LAMB2: variants seen among roughly 807,000 people sequenced by gnomAD.
LAMB2 encodes the protein laminin subunit beta 2.
In LAMB2, 119 loss-of-function variants were observed where a neutral mutation model predicts 202.7. The ratio of observed to expected loss-of-function variants is 0.59; its 90% CI spans 0.51 to 0.68. LAMB2 has a LOEUF of 0.68. Among genes scored for constraint, LAMB2 ranks in the 30% least tolerant of loss-of-function variants. LAMB2 has a pLI of 0.00. For missense variants in LAMB2, 2,124 were observed against 2,410.6 expected, an observed-to-expected ratio of 0.88 and a Z score of 2.49; for synonymous variants, 818 against 902.2, an observed-to-expected ratio of 0.91 and a Z score of 1.67.
At position 49,121,586 on chromosome 3, in the gene LAMB2, G is replaced by A. The variant is rs779638823; in HGVS notation, c.5107C>T (p.Arg1703Cys). 5.0e-6 allele frequency: 8 copies of A among 1,613,986 alleles called. No individual in the cohort carries two copies. The highest frequency in any genetic ancestry group is 1.1e-5 in the South Asian group (1 of 91,082). The change falls in exon 31 of 32, where the codon CGC (arginine) becomes TGC (cysteine). Residue 1703 changes from arginine (R) to cysteine (C), a missense_variant. Arg to Cys is a radical substitution (Grantham distance 180, BLOSUM62 -3). This residue lies in a region of LAMB2 where 1,702 missense variants were observed against 1,896.3 expected (regional missense o/e 0.90). Transcript: ENST00000305544. ...TGGTACTGATCACCCAGAGGACCGC[G>A]TAGCAGCTGCAGATGTAGAGGGTTA... ...GRAQEAEQLL[R>C]GPLGDQYQTV...
chr3:49,125,981 T>C lies in LAMB2; in HGVS notation c.2330A>G (p.Tyr777Cys), dbSNP rs772581224. The C allele has an allele frequency of 4.3e-6, 7 of 1,614,024 alleles. No individual in the cohort carries two copies. Among genetic ancestry groups the C allele is most frequent in the Non-Finnish European group, 5.9e-6 (7 of 1,180,018 alleles). The change falls in exon 17 of 32, where the codon TAC becomes TGC. Residue 777 changes from tyrosine to cysteine, a missense_variant. Coordinates refer to ENST00000305544, the MANE Select transcript of LAMB2 (RefSeq NM_002292.4). The stretch of plus-strand genomic sequence containing the variant: ...CAGACACTCACGCAGGGCACCATTG[T>C]AGATGAGGGTGGACAGGCTGATGAG... ...PLLISLSTLI[Y>C]NGALPCQCNP...
chr3:49,127,945 G>A (rs371865217), intron 15 of LAMB2, among the ~76,000 whole-genome samples: 21 of 150,096 alleles, frequency 1.4e-4, no homozygotes, highest in East Asian at 5.8e-4. Flanking sequence ...GCTTGAACCC[G>A]GGAGGTGGAG....
rs1185181066 is a variant in LAMB2, at chr3:49,132,491, C to T, written c.249G>A (p.Gln83=). The T allele has an allele frequency of 6.2e-7, 1 of 1,613,922 alleles. No individual in the cohort carries two copies. The highest frequency in any genetic ancestry group is 1.3e-5 in the African/African-American group (1 of 74,948). ...CGTCACACCCTGTCCCCAGCCACAC[C>T]TGCAGGTGACTGACGATGCAGTAGG... ...PQPYCIVSHL[Q]DEKKCFLCDS... Residue 83 remains glutamine, a splice_region_variant and synonymous_variant, in exon 2 of 32, where the codon CAG becomes CAA. Transcript: ENST00000305544. The surrounding 1 kb of genome is among the most constrained non-coding windows in gnomAD (Gnocchi z 4.6).
Position 49,124,301 on chromosome 3 carries a change from A to G in LAMB2, c.3328-15T>C. The G allele has an allele frequency of 6.2e-7, 1 of 1,613,932 alleles. No homozygotes were observed. Among genetic ancestry groups the G allele is most frequent in the Non-Finnish European group, 8.5e-7 (1 of 1,179,982 alleles). Reference sequence around the variant, plus strand: ...TGCCCTGTGAACTGGGGTGGGAACAAGGCAGGGTCAGAGCCTCTATAAGAG... The same window carrying G: ...TGCCCTGTGAACTGGGGTGGGAACAGGGCAGGGTCAGAGCCTCTATAAGAG... On this transcript the variant is annotated splice_polypyrimidine_tract_variant and intron_variant, in intron 22 of 31. Transcript: ENST00000305544.
At position 49,126,129 on chromosome 3, in the gene LAMB2, C is replaced by T; in HGVS notation, c.2182G>A (p.Glu728Lys). The change falls in exon 17 of 32, where the codon GAG becomes AAG. Residue 728 changes from glutamate (E) to lysine (K), a missense_variant. Coordinates refer to ENST00000305544, the MANE Select transcript of LAMB2 (RefSeq NM_002292.4). The part of the protein sequence containing the change: ...LVLLPRVLVL[E>K]MFSGGDAAAL... ...GCAGCATCACCCCCACTAAACATCT[C>T]TAGCACCAGGACACGGGGCAGCAGC... 3 of 1,613,424 alleles carry T rather than the reference C, an allele frequency of 1.9e-6. No homozygotes were observed. The highest frequency in any genetic ancestry group is 2.5e-6 in the Non-Finnish European group (3 of 1,180,014).
Position 49,132,985 on chromosome 3 carries a change from C to G in LAMB2, c.-118G>C. On this transcript the variant is annotated 5_prime_UTR_variant, in exon 1 of 32. Transcript: ENST00000305544. The surrounding 1 kb of genome is among the most constrained non-coding windows in gnomAD (Gnocchi z 4.6). ...GGTCTTTGGCCTGTTTCCCTCCAGGCCCTCTGTCAGTTCCCAGGTCTGTCC... is the reference window on the plus strand; with the variant it reads ...GGTCTTTGGCCTGTTTCCCTCCAGGGCCTCTGTCAGTTCCCAGGTCTGTCC... The G allele has an allele frequency of 1.1e-6, 1 of 881,186 alleles. No homozygotes were observed. The allele number at this position is 881,186 out of a possible 1,614,324, so 54.6% of individuals were successfully genotyped here.
chr3:49,132,044 G>A lies in LAMB2; in HGVS notation c.459+72C>T. ...ATGCTCAAGGAGGCTGTGTTAAGGA[G>A]CTGAGGCTCTGTCCAGGGGCAATGG... On this transcript the variant is annotated intron_variant, in intron 4 of 31. Transcript: ENST00000305544. The surrounding 1 kb of genome is among the most constrained non-coding windows in gnomAD (Gnocchi z 4.6). The A allele has an allele frequency of 7.0e-7, 1 of 1,420,306 alleles. No homozygotes were observed. Among genetic ancestry groups the A allele is most frequent in the East Asian group, 2.3e-5 (1 of 43,998 alleles). 88.0% of individuals were successfully genotyped at this position (1,420,306 alleles called of 1,614,324 possible).
At position 49,129,832 on chromosome 3, in the gene LAMB2, C is replaced by T; in HGVS notation, c.1405+7G>A. ...TCAGCATAGAAGTTAGGGCAGGAGA[C>T]ACATACGCCGGCAGCCCAGACGGTC... On this transcript the variant is annotated splice_region_variant and intron_variant, in intron 10 of 31. Coordinates refer to ENST00000305544, the MANE Select transcript of LAMB2 (RefSeq NM_002292.4). The surrounding 1 kb of genome is among the most constrained non-coding windows in gnomAD (Gnocchi z 6.1). 1 of 1,613,766 alleles carries T rather than the reference C, an allele frequency of 6.2e-7. No individual in the cohort carries two copies. The highest frequency in any genetic ancestry group is 8.5e-7 in the Non-Finnish European group (1 of 1,180,016).
At chr3:49,122,608 T>C in intron 27 of LAMB2, 96 bp downstream of exon 27, 1 of 1,091,690 alleles carries the variant, frequency 9.2e-7, no homozygotes, top group South Asian at 1.3e-5. Flanking sequence ...TAATCCAGTG[T>C]AGTCCCTGAG....
rs371375999 is a variant in LAMB2, at chr3:49,121,797, A to G, written c.4987T>C (p.Leu1663=). 3.1e-6 allele frequency: 5 copies of G among 1,613,190 alleles called. No individual in the cohort carries two copies. Among genetic ancestry groups the G allele is most frequent in the East Asian group, 2.2e-5 (1 of 44,868 alleles). ...LSSAGERARQ[L]DALLEALKLK... ...TTCAGAGCCTCCAGGAGAGCATCCA[A>G]CTGCCGAGCCCTTTCACCTGCAGAG... The change falls in exon 30 of 32, where the codon TTG becomes CTG. Residue 1663 remains leucine (L), a synonymous_variant. Transcript: ENST00000305544.
rs752089833 is a variant in LAMB2, at chr3:49,130,901, A to G, written c.916-41T>C. The G allele has an allele frequency of 1.2e-6, 2 of 1,614,124 alleles. No homozygotes were observed. The highest frequency in any genetic ancestry group is 1.7e-6 in the Non-Finnish European group (2 of 1,180,032). ...GGTAGGTTGTCAGCACTGCTCAGCCATGTCCGCCCCTGCCCCTAGCCCTAT... is the reference window on the plus strand; with the variant it reads ...GGTAGGTTGTCAGCACTGCTCAGCCGTGTCCGCCCCTGCCCCTAGCCCTAT... On this transcript the variant is annotated intron_variant, in intron 7 of 31. Coordinates refer to ENST00000305544, the MANE Select transcript of LAMB2 (RefSeq NM_002292.4). The surrounding 1 kb of genome is among the most constrained non-coding windows in gnomAD (Gnocchi z 5.0).
rs763101025 is a variant in LAMB2 at position 49,126,015 on chromosome 3, C to A, written c.2296G>T (p.Ala766Ser). ...PSKTSPSEAC[A>S]PLLISLSTLI... ...GTGGACAGGCTGATGAGGAGGGGTG[C>A]GCAGGCCTCAGAGGGAGAAGTCTTG... The change falls in exon 17 of 32, where the codon GCA (alanine) becomes TCA (serine). Residue 766 changes from alanine to serine, a missense_variant. Ala to Ser is a moderately conservative substitution (Grantham distance 99). Transcript: ENST00000305544. 3 of 1,614,140 alleles carry A rather than the reference C, an allele frequency of 1.9e-6. No homozygotes were observed. Among genetic ancestry groups the A allele is most frequent in the South Asian group, 2.2e-5 (2 of 91,072 alleles).
Position 49,122,042 on chromosome 3 carries a change from C to G in LAMB2, c.4825G>C (p.Ala1609Pro). The change falls in exon 29 of 32, where the codon GCA (alanine) becomes CCA (proline). Residue 1609 changes from alanine (A) to proline (P), a missense_variant. Around this residue, in one of 3 missense-constraint regions of LAMB2, gnomAD observed 1,702 missense variants for 1,896.3 expected, o/e 0.90. Coordinates refer to ENST00000305544, the MANE Select transcript of LAMB2 (RefSeq NM_002292.4). ...GCCCGCTGGGCCTCCTCCAGTGCTG[C>G]CTGTACTGTCTCTGCCTTCTGTTTC... ...DEKQKAETVQ[A>P]ALEEAQRAQG... is the part of the protein sequence containing the mutation. 6.2e-7 allele frequency: 1 copy of G among 1,613,682 alleles called. No individual in the cohort carries two copies. The highest frequency in any genetic ancestry group is 1.3e-5 in the African/African-American group (1 of 75,034).
At chr3:49,126,262 C>T in intron 16 of LAMB2, 103 bp from the exon 17 acceptor site, 1 of 1,602,054 alleles carries the variant, frequency 6.2e-7, no homozygotes, top group South Asian at 1.1e-5. Flanking sequence ...ACCCTGGCAC[C>T]ACCATGGGCC....
chr3:49,125,578 G>A (rs2045404265), intron 18 of LAMB2, 94 bp from the exon 19 acceptor site: 2 of 1,386,454 alleles, frequency 1.4e-6, no homozygotes, highest in Admixed American at 2.0e-5. Context: ...AGTAGTGGGA[G>A]TCTAGGTGGG....
At chr3:49,126,268 G>T (rs2045413937) in intron 16 of LAMB2, 97 bp downstream of exon 16, 5 of 1,604,108 alleles carry the variant, frequency 3.1e-6, no homozygotes, top group Admixed American at 3.4e-5. Context: ...GCACCACCAT[G>T]GGCCTGCCTC....
Position 49,122,035 on chromosome 3 carries a change from A to C in LAMB2, c.4832T>G (p.Leu1611Arg), listed in dbSNP as rs748626331. Residue 1611 changes from leucine (L) to arginine (R), a missense_variant, in exon 29 of 32, where the codon CTG becomes CGG. Coordinates refer to ENST00000305544, the MANE Select transcript of LAMB2 (RefSeq NM_002292.4). ...KQKAETVQAA[L>R]EEAQRAQGIA... is the part of the protein sequence containing the mutation. The stretch of plus-strand genomic sequence containing the variant: ...ACCCTGTGCCCGCTGGGCCTCCTCC[A>C]GTGCTGCCTGTACTGTCTCTGCCTT... The C allele has an allele frequency of 6.2e-7, 1 of 1,613,614 alleles. No homozygotes were observed. The highest frequency in any genetic ancestry group is 1.3e-5 in the African/African-American group (1 of 74,910).
intron 15 of LAMB2, 136 bp downstream of exon 15, chr3:49,128,322 G>T: frequency 8.4e-7 from 1 of 1,186,618 alleles, no homozygotes; most frequent in Non-Finnish European, 1.2e-6. Flanking sequence ...AACAGGGCCT[G>T]GCAACCAGCA....
intron 16 of LAMB2, 72 bp from the exon 17 acceptor site, chr3:49,126,231 A>T: frequency 6.2e-7 from 1 of 1,601,146 alleles, no homozygotes; most frequent in Non-Finnish European, 8.5e-7. Context: ...CACTTGCCTT[A>T]GCACTGCCAC....
Sources: allele counts gnomAD v4.1 joint callset (sites outside exome capture counted in the v4.1 genomes callset), GRCh38; gene constraint gnomAD v4.1.1; regional missense constraint gnomAD v4.1.1; non-coding constraint Gnocchi (gnomAD v3.1); transcripts MANE v1.5; gene names NCBI Gene and HGNC (gene_info 2026-07-23, HGNC 2026-07-21).